The following SLC35E3 variants were observed in gnomAD, a reference collection of about 807,000 sequenced individuals.
SLC35E3 encodes the protein solute carrier family 35 member E3.
In SLC35E3, 28 loss-of-function variants were observed where a neutral mutation model predicts 30.8. The ratio of observed to expected loss-of-function variants is 0.91; its 90% CI spans 0.67 to 1.25. SLC35E3 has a LOEUF of 1.25. Among genes scored for constraint, SLC35E3 ranks in the 50% most tolerant of loss-of-function variants. The pLI, the probability that SLC35E3 is intolerant of heterozygous loss-of-function variation, is 0.00. For synonymous variants in SLC35E3, 146 were observed against 149.2 expected (o/e 0.98, Z 0.16); for missense variants, 365 against 375.4 (o/e 0.97, Z 0.23).
In SLC35E3 at chr12:68,767,804, TA is replaced by T. The variant is rs1273010305; in HGVS notation, c.*2915del. ...GTTCTTCTCATTTTACAAAGATATATATTTTTTGTGCTAAGGACAGAGCAAT... is the reference window on the plus strand; with the variant it reads ...GTTCTTCTCATTTTACAAAGATATATTTTTTTGTGCTAAGGACAGAGCAAT... On this transcript the variant is annotated 3_prime_UTR_variant, in exon 5 of 5. Coordinates refer to ENST00000398004, the MANE Select transcript of SLC35E3 (RefSeq NM_018656.5). The T allele has an allele frequency of 1.3e-5, 2 of 152,238 alleles. No homozygotes were observed. Among genetic ancestry groups the T allele is most frequent in the Admixed American group, 1.3e-4 (2 of 15,282 alleles). The allele number at this position is 152,238 out of a possible 1,614,324, so 9.4% of individuals were successfully genotyped here. A position where few individuals can be genotyped will look rare whatever the true frequency, so the allele number is the denominator to read the frequency against.
At position 68,769,803 on chromosome 12, in the gene SLC35E3, C is replaced by T. The variant is rs1478009807; in HGVS notation, c.*4913C>T. 1.3e-5 allele frequency: 2 copies of T among 152,156 alleles called. No individual in the cohort carries two copies. Among genetic ancestry groups the T allele is most frequent in the Non-Finnish European group, 2.9e-5 (2 of 68,042 alleles). 9.4% of individuals were successfully genotyped at this position (152,156 alleles called of 1,614,324 possible). Reference sequence around the variant, plus strand: ...ATTCATTCAACAAAAATTTATTGAGCATATACTGTGTGCCAGGTACTGTCC... The same window carrying T: ...ATTCATTCAACAAAAATTTATTGAGTATATACTGTGTGCCAGGTACTGTCC... On this transcript the variant is annotated 3_prime_UTR_variant, in exon 5 of 5. Coordinates refer to ENST00000398004, the MANE Select transcript of SLC35E3 (RefSeq NM_018656.5).
chr12:68,751,481 A>C (rs1463506750), intron 2 of SLC35E3, among the ~76,000 whole-genome samples: 1 of 151,984 alleles, frequency 6.6e-6, no homozygotes, highest in Admixed American at 6.6e-5. Flanking sequence ...TTTAGTAGAG[A>C]TAGGGTTTCA....
chr12:68,762,731 A>G (rs966362027), intron 4 of SLC35E3, among the ~76,000 whole-genome samples: 6 of 152,246 alleles, frequency 3.9e-5, no homozygotes, highest in East Asian at 1.9e-4. Flanking sequence ...GCACATGAAG[A>G]TAGCTCATAA....
chr12:68,759,920 G>GCTATTACTCCAGA, intron 4 of SLC35E3: 1 of 152,334 alleles, frequency 6.6e-6, no homozygotes. Flanking sequence ...TAGTAACAAA[G>GCTATTACTCCAGA]TAGAGGAATG....
In SLC35E3 at chr12:68,747,844, T is replaced by G. The variant is rs1878650935; in HGVS notation, c.403-86T>G. On this transcript the variant is annotated intron_variant, in intron 1 of 4. Coordinates refer to ENST00000398004, the MANE Select transcript of SLC35E3 (RefSeq NM_018656.5). ...TGTTTCCCAGTTATGTGTTTATCATTAGCCTTGTAAGACATTGTGAAAGGA... is the reference window on the plus strand; with the variant it reads ...TGTTTCCCAGTTATGTGTTTATCATGAGCCTTGTAAGACATTGTGAAAGGA... 4 of 677,184 alleles carry G rather than the reference T, an allele frequency of 5.9e-6. No individual in the cohort carries two copies. In the South Asian group the frequency reaches 7.5e-5, roughly 13 times the overall value. 41.9% of individuals were successfully genotyped at this position (677,184 alleles called of 1,614,324 possible).
intron 4 of SLC35E3, among the ~76,000 whole-genome samples, chr12:68,761,746 A>T (rs1272198821): frequency 2.0e-5 from 3 of 152,194 alleles, no homozygotes; most frequent in Admixed American, 1.3e-4. Context: ...ATAGCAGTGG[A>T]TATAGTAAGA....
At position 68,756,942 on chromosome 12, in the gene SLC35E3, G is replaced by A. The variant is rs373415970; in HGVS notation, c.673-2215G>A. Among the ~76,000 whole-genome samples, 72 of 152,332 alleles carry A rather than the reference G, an allele frequency of 4.7e-4. 1 individual carries two copies. In the East Asian group the frequency reaches 0.011, roughly 24 times the overall value. ...AGGCGGGAGAATGGCGTGAACCCGC[G>A]AGGCGGAGCTTGCAGTGAGCCGAGA... On this transcript the variant is annotated intron_variant, in intron 3 of 4. Coordinates refer to ENST00000398004, the MANE Select transcript of SLC35E3 (RefSeq NM_018656.5).
chr12:68,748,090 T>C, intron 2 of SLC35E3, 50 bp downstream of exon 2: 1 of 1,052,730 alleles, frequency 9.5e-7, no homozygotes, highest in Non-Finnish European at 1.5e-6. Context: ...TTTCATAAAT[T>C]TTGAAGCTGT....
chr12:68,746,720 A>C lies in SLC35E3; in HGVS notation c.343A>C (p.Ile115Leu). Residue 115 changes from isoleucine (I) to leucine (L), a missense_variant, in exon 1 of 5, where the codon ATA becomes CTA. Physicochemically the swap from Ile to Leu is conservative, Grantham distance 5. Coordinates refer to ENST00000398004, the MANE Select transcript of SLC35E3 (RefSeq NM_018656.5). ...LAKAMTTPVI[I>L]AIQTFCYQKT... ...CAAGGCCATGACCACGCCGGTGATC[A>C]TAGCCATCCAGACCTTCTGCTACCA... 6.2e-7 allele frequency: 1 copy of C among 1,613,246 alleles called. No individual in the cohort carries two copies. Among genetic ancestry groups the C allele is most frequent in the Non-Finnish European group, 8.5e-7 (1 of 1,179,306 alleles).
chr12:68,764,649 GTA>G, intron 4 of SLC35E3, 53 bp from the exon 5 acceptor site: 1 of 1,552,308 alleles, frequency 6.4e-7, no homozygotes, highest in Non-Finnish European at 8.8e-7. Context: ...GAGTGTGTGT[GTA>G]AATATTAACA....
chr12:68,764,791 C>G lies in SLC35E3; in HGVS notation c.843C>G (p.Ala281=). The part of the protein sequence containing the change: ...LFKDPLSINQ[A]LGILCTLFGI... Reference sequence around the variant, plus strand: ...AGGATCCACTGTCCATTAATCAGGCCCTTGGCATTTTATGTACATTATTTG... The same window carrying G: ...AGGATCCACTGTCCATTAATCAGGCGCTTGGCATTTTATGTACATTATTTG... The change falls in exon 5 of 5, where the codon GCC becomes GCG. Residue 281 remains alanine (A), a synonymous_variant. Coordinates refer to ENST00000398004, the MANE Select transcript of SLC35E3 (RefSeq NM_018656.5). 1 of 1,614,008 alleles carries G rather than the reference C, an allele frequency of 6.2e-7. No individual in the cohort carries two copies. Among genetic ancestry groups the G allele is most frequent in the Non-Finnish European group, 8.5e-7 (1 of 1,179,976 alleles).
chr12:68,762,999 G>C (rs953038934), intron 4 of SLC35E3, among the ~76,000 whole-genome samples: 1 of 152,198 alleles, frequency 6.6e-6, no homozygotes, highest in Admixed American at 6.5e-5. Context: ...GTCTCACTCT[G>C]ATCACTTATG....
In SLC35E3 at chr12:68,767,890, G is replaced by A. The variant is rs1427635467; in HGVS notation, c.*3000G>A. The A allele has an allele frequency of 1.3e-5, 2 of 152,226 alleles. No individual in the cohort carries two copies. Among genetic ancestry groups the A allele is most frequent in the African/African-American group, 2.4e-5 (1 of 41,472 alleles). 9.4% of individuals were successfully genotyped at this position (152,226 alleles called of 1,614,324 possible). A position where few individuals can be genotyped will look rare whatever the true frequency, so the allele number is the denominator to read the frequency against. ...TGTCTAAGAAACATTCTCTGTGTATGTTTAAATTGTAATTATTTCCCAAAA... is the reference window on the plus strand; with the variant it reads ...TGTCTAAGAAACATTCTCTGTGTATATTTAAATTGTAATTATTTCCCAAAA... On this transcript the variant is annotated 3_prime_UTR_variant, in exon 5 of 5. Coordinates refer to ENST00000398004, the MANE Select transcript of SLC35E3 (RefSeq NM_018656.5).
Position 68,746,248 on chromosome 12 carries a change from C to G in SLC35E3, c.-130C>G. The G allele has an allele frequency of 1.2e-6, 1 of 835,168 alleles. No homozygotes were observed. Among genetic ancestry groups the G allele is most frequent in the Non-Finnish European group, 1.8e-6 (1 of 548,592 alleles). 51.7% of individuals were successfully genotyped at this position (835,168 alleles called of 1,614,324 possible). ...AGAGTGCTACTCGCCCGGGGTTGAT[C>G]TGTGCATGCCACTCCTGGGTCAGAC... On this transcript the variant is annotated 5_prime_UTR_variant, in exon 1 of 5. It adds an upstream start codon to the 5' untranslated region. Coordinates refer to ENST00000398004, the MANE Select transcript of SLC35E3 (RefSeq NM_018656.5).
intron 3 of SLC35E3, among the ~76,000 whole-genome samples, chr12:68,757,340 TG>T (rs1879059295): frequency 6.6e-6 from 1 of 152,224 alleles, no homozygotes; most frequent in South Asian, 2.1e-4. Flanking sequence ...TTTAATGATG[TG>T]CCAAGTATCA....
At position 68,764,776 on chromosome 12, in the gene SLC35E3, G is replaced by A. The variant is rs772674436; in HGVS notation, c.828G>A (p.Leu276=). 1 of 1,614,058 alleles carries A rather than the reference G, an allele frequency of 6.2e-7. No homozygotes were observed. Among genetic ancestry groups the A allele is most frequent in the Non-Finnish European group, 8.5e-7 (1 of 1,180,008 alleles). The stretch of plus-strand genomic sequence containing the variant: ...GATATGTTTTATTTAAGGATCCACT[G>A]TCCATTAATCAGGCCCTTGGCATTT... The part of the protein sequence containing the change: ...FGGYVLFKDP[L]SINQALGILC... Residue 276 remains leucine (L), a synonymous_variant, in exon 5 of 5, where the codon CTG becomes CTA. Coordinates refer to ENST00000398004, the MANE Select transcript of SLC35E3 (RefSeq NM_018656.5).
At chr12:68,754,279 T>G (rs189715975) in intron 3 of SLC35E3, among the ~76,000 whole-genome samples, 5 of 151,806 alleles carry the variant, frequency 3.3e-5, no homozygotes, top group South Asian at 2.1e-4. Context: ...TGTTGTTGTT[T>G]TTGTTTTGTT....
At position 68,764,914 on chromosome 12, in the gene SLC35E3, T is replaced by C; in HGVS notation, c.*24T>C. 6.2e-7 allele frequency: 1 copy of C among 1,606,028 alleles called. No homozygotes were observed. Among genetic ancestry groups the C allele is most frequent in the African/African-American group, 1.3e-5 (1 of 74,594 alleles). The stretch of plus-strand genomic sequence containing the variant: ...AATTGGGTTTTTGTGGAGAAAAGAA[T>C]GTTGTCCCAAGAAGATAAAAAATAT... On this transcript the variant is annotated 3_prime_UTR_variant, in exon 5 of 5. Transcript: ENST00000398004.
At chr12:68,750,459 G>A (rs1354154342) in intron 2 of SLC35E3, among the ~76,000 whole-genome samples, 1 of 152,190 alleles carries the variant, frequency 6.6e-6, no homozygotes, top group East Asian at 1.9e-4. Context: ...CCAGAGGGTA[G>A]TTCTTCCAAG....
Sources: gnomAD v4.1 joint callset for allele counts (sites outside exome capture counted in the v4.1 genomes callset) on GRCh38, gnomAD v4.1.1 for gene constraint, MANE v1.5 for transcripts, NCBI Gene and HGNC (gene_info 2026-07-23, HGNC 2026-07-21) for gene names.